The following AXDND1 variants were observed in gnomAD, a reference collection of about 807,000 sequenced individuals.
AXDND1 encodes axonemal dynein light chain domain containing 1, also known as axonemal dynein light chain domain-containing protein 1.
Under a neutral mutation model 137.5 loss-of-function variants are expected in AXDND1, and 110 were observed. That is an observed-to-expected ratio of 0.80 (90% CI 0.69 to 0.94). The LOEUF (loss-of-function observed/expected upper bound fraction) is 0.94. Among genes scored for constraint, AXDND1 ranks in the 40% least tolerant of loss-of-function variants. The probability of loss-of-function intolerance (pLI) is 0.00; values close to 1 mark genes in which losing one functional copy is unlikely to be tolerated. For missense variants in AXDND1, 1,191 were observed against 1,169.8 expected, an observed-to-expected ratio of 1.02 and a Z score of -0.26; for synonymous variants, 414 against 399.7, an observed-to-expected ratio of 1.04 and a Z score of -0.43.
At chr1:179,485,897 C>T (rs898040046) in intron 18 of AXDND1, among the ~76,000 whole-genome samples, 6 of 151,896 alleles carry the variant, frequency 4.0e-5, no homozygotes, top group East Asian at 1.9e-4. Flanking sequence ...GTGGGTGGAT[C>T]GACTGAGGTC....
At position 179,503,728 on chromosome 1, in the gene AXDND1, C is replaced by G. The variant is rs989524321; in HGVS notation, c.2389-5568C>G. 6.6e-5 allele frequency among the ~76,000 whole-genome samples: 10 copies of G among 152,064 alleles called. No individual in the cohort carries two copies. The East Asian group carries it at 1.9e-3, about 29-fold the overall frequency. ...CCTGCCCTCACCCCACAACAGTCCCCGGAGTGTGTGATGTTCCCCTTCCTG... is the reference window on the plus strand; with the variant it reads ...CCTGCCCTCACCCCACAACAGTCCCGGGAGTGTGTGATGTTCCCCTTCCTG... On this transcript the variant is annotated intron_variant, in intron 20 of 25. Coordinates refer to ENST00000367618, the MANE Select transcript of AXDND1 (RefSeq NM_144696.6).
rs147307370 is a variant in AXDND1 at position 179,530,149 on chromosome 1, C to T, written c.2715+1718C>T. Among the ~76,000 whole-genome samples, 96 of 152,208 alleles carry T rather than the reference C, an allele frequency of 6.3e-4. 1 individual carries two copies. Among genetic ancestry groups the T allele is most frequent in the African/African-American group, 2.1e-3 (88 of 41,530 alleles). On this transcript the variant is annotated intron_variant, in intron 23 of 25. Coordinates refer to ENST00000367618, the MANE Select transcript of AXDND1 (RefSeq NM_144696.6). ...AGTTCAAGCGATTCTCCTGCCTCAG[C>T]CTCCCAAGTACCTGGGATTACAGGT...
At chr1:179,463,194 C>G (rs1054398847) in intron 16 of AXDND1, among the ~76,000 whole-genome samples, 1 of 152,152 alleles carries the variant, frequency 6.6e-6, no homozygotes, top group Non-Finnish European at 1.5e-5. Flanking sequence ...TTCTCTAGTT[C>G]TTTTAATTGT....
intron 21 of AXDND1, among the ~76,000 whole-genome samples, chr1:179,517,586 T>G (rs987001795): frequency 6.6e-6 from 1 of 152,230 alleles, no homozygotes; most frequent in African/African-American, 2.4e-5. Context: ...CAGGCAGGAA[T>G]GGCCTGCTTG....
intron 21 of AXDND1, among the ~76,000 whole-genome samples, chr1:179,521,609 ATTTG>A (rs1385900011): frequency 1.3e-5 from 2 of 151,988 alleles, no homozygotes; most frequent in Non-Finnish European, 2.9e-5. Flanking sequence ...AATTTAATTT[ATTTG>A]TTCTTTCTTC....
chr1:179,520,696 C>T (rs1471198557), intron 21 of AXDND1, among the ~76,000 whole-genome samples: 1 of 151,414 alleles, frequency 6.6e-6, no homozygotes, highest in African/African-American at 2.4e-5. Context: ...TTGTATTATC[C>T]AAGAATATGG....
chr1:179,515,859 G>A (rs1669486603), intron 21 of AXDND1, among the ~76,000 whole-genome samples: 1 of 152,146 alleles, frequency 6.6e-6, no homozygotes, highest in Non-Finnish European at 1.5e-5. Flanking sequence ...ACAACAGACT[G>A]CAGATAAGAT....
intron 16 of AXDND1, chr1:179,447,710 T>C: frequency 1.5e-6 from 2 of 1,345,340 alleles, no homozygotes; most frequent in Admixed American, 3.4e-5. Context: ...TTTGTAGGCA[T>C]GACTTTACCT....
intron 22 of AXDND1, among the ~76,000 whole-genome samples, chr1:179,526,274 A>G (rs1271549988): frequency 6.6e-6 from 1 of 151,616 alleles, no homozygotes; most frequent in Non-Finnish European, 1.5e-5. Context: ...AATAATAATA[A>G]TACGATGATT....
intron 17 of AXDND1, among the ~76,000 whole-genome samples, chr1:179,471,299 G>A (rs1315444815): frequency 6.6e-6 from 1 of 152,132 alleles, no homozygotes. Context: ...TGAAGAATTG[G>A]TGTTGATTCA....
In AXDND1 at chr1:179,439,854, A is replaced by G. The variant is rs542112460; in HGVS notation, c.1564-5116A>G. ...TCCTCCAGTCTCCCATTCCATGGCC[A>G]CACGCACCTTGAGGGCACCCACATG... On this transcript the variant is annotated intron_variant, in intron 15 of 25. Transcript: ENST00000367618. Among the ~76,000 whole-genome samples, 802 of 144,148 alleles carry G rather than the reference A, an allele frequency of 5.6e-3. 9 individuals are homozygous for G. The highest frequency in any genetic ancestry group is 0.02 in the African/African-American group (778 of 39,106). The allele number at this position is 144,148 out of a possible 152,430, so 94.6% of individuals were successfully genotyped here.
chr1:179,553,912 A>ATTTTT (rs11422639), intron 25 of AXDND1, among the ~76,000 whole-genome samples: 1 of 131,876 alleles, frequency 7.6e-6, no homozygotes, highest in African/African-American at 2.9e-5. Flanking sequence ...CCCCTGGCTA[A>ATTTTT]TTTTTTTTTT....
chr1:179,479,871 C>G (rs1324460409), intron 17 of AXDND1, among the ~76,000 whole-genome samples: 1 of 152,198 alleles, frequency 6.6e-6, no homozygotes, highest in African/African-American at 2.4e-5. Context: ...AAGACAGGGG[C>G]AAAATGCTGC....
At chr1:179,421,367 CTTT>C (rs199703017) in intron 12 of AXDND1, among the ~76,000 whole-genome samples, 35 of 107,208 alleles carry the variant, frequency 3.3e-4, no homozygotes, top group African/African-American at 1.4e-3. Flanking sequence ...TTTTCTTTTC[CTTT>C]TTTTTTTTTT....
At chr1:179,462,423 T>G (rs547870384) in intron 16 of AXDND1, among the ~76,000 whole-genome samples, 235 of 152,332 alleles carry the variant, frequency 1.5e-3, no homozygotes, top group Non-Finnish European at 2.9e-3. Flanking sequence ...ATAAGCTTTT[T>G]GATGTGCTGC....
chr1:179,469,803 T>C (rs1183298572), intron 17 of AXDND1, among the ~76,000 whole-genome samples: 2 of 152,244 alleles, frequency 1.3e-5, no homozygotes, highest in African/African-American at 4.8e-5. Flanking sequence ...TTTCACATGC[T>C]TATTGGCTAT....
At chr1:179,405,635 GT>G (rs1652842037) in intron 11 of AXDND1, among the ~76,000 whole-genome samples, 1 of 151,936 alleles carries the variant, frequency 6.6e-6, no homozygotes, top group Non-Finnish European at 1.5e-5. Context: ...AGTATATCTA[GT>G]TTCTTCTAGG....
intron 14 of AXDND1, among the ~76,000 whole-genome samples, chr1:179,430,820 T>C (rs1379563741): frequency 6.6e-6 from 1 of 152,214 alleles, no homozygotes; most frequent in Non-Finnish European, 1.5e-5. Context: ...ATCCCCCTGC[T>C]CAACTGCTGC....
Position 179,507,397 on chromosome 1 carries a change from AT to A in AXDND1, c.2389-1898del, listed in dbSNP as rs1668636962. On this transcript the variant is annotated intron_variant, in intron 20 of 25. Coordinates refer to ENST00000367618, the MANE Select transcript of AXDND1 (RefSeq NM_144696.6). ...CAATGTCTCAGACATTTATAAGAAA[AT>A]GACCAGGATCTGTTTCATAGCGTGC... Among the ~76,000 whole-genome samples, 3 of 152,326 alleles carry A rather than the reference AT, an allele frequency of 2.0e-5. No homozygotes were observed. In the South Asian group the frequency reaches 6.2e-4, roughly 32 times the overall value.
Sources: allele counts gnomAD v4.1 joint callset (sites outside exome capture counted in the v4.1 genomes callset), GRCh38; gene constraint gnomAD v4.1.1; transcripts MANE v1.5; gene names NCBI Gene and HGNC (gene_info 2026-07-23, HGNC 2026-07-21).